The following CEP63 variants were observed in gnomAD, a reference collection of about 807,000 sequenced individuals.
The protein encoded by CEP63 is centrosomal protein of 63 kDa.
In CEP63, 84 loss-of-function variants were observed where a neutral mutation model predicts 89.1. The ratio of observed to expected loss-of-function variants is 0.94; its 90% CI spans 0.79 to 1.13. CEP63 has a LOEUF of 1.13. Ranked by LOEUF, CEP63 falls within the 50% of genes most tolerant of loss-of-function variation. The pLI, the probability that CEP63 is intolerant of heterozygous loss-of-function variation, is 0.00. For missense variants in CEP63, 838 were observed against 813.3 expected (o/e 1.03, Z -0.37); for synonymous variants, 267 against 272.5 (o/e 0.98, Z 0.20).
At chr3:134,671,161 A>G in the CEP63 span, among the ~76,000 whole-genome samples, 1 of 152,272 alleles carries the variant, frequency 6.6e-6, no homozygotes, top group African/African-American at 2.4e-5. Flanking sequence ...GCCATAAAAA[A>G]GAATGAAATC....
the CEP63 span, among the ~76,000 whole-genome samples, chr3:134,646,860 C>T: frequency 6.6e-6 from 1 of 152,040 alleles, no homozygotes; most frequent in Non-Finnish European, 1.5e-5. Context: ...GCTAATGAAC[C>T]CTAAAGGGAA....
At chr3:134,609,572 C>G in the CEP63 span, among the ~76,000 whole-genome samples, 1 of 152,130 alleles carries the variant, frequency 6.6e-6, no homozygotes, top group Non-Finnish European at 1.5e-5. Context: ...ACATCATGAT[C>G]CATGAAGAAT....
chr3:134,674,770 T>C, the CEP63 span, among the ~76,000 whole-genome samples: 1 of 152,166 alleles, frequency 6.6e-6, no homozygotes, highest in South Asian at 2.1e-4. Flanking sequence ...TTTCTTTACC[T>C]TAGCAGTGAA....
chr3:134,686,702 G>A, the CEP63 span, among the ~76,000 whole-genome samples: 35 of 152,246 alleles, frequency 2.3e-4, no homozygotes, highest in Non-Finnish European at 3.4e-4. Flanking sequence ...CAAACACAGT[G>A]AATGCTAATG....
At chr3:134,618,910 T>C in the CEP63 span, among the ~76,000 whole-genome samples, 1 of 152,304 alleles carries the variant, frequency 6.6e-6, no homozygotes, top group Non-Finnish European at 1.5e-5. Flanking sequence ...AACCAAATTA[T>C]CTCTGTGCAT....
Position 134,563,316 on chromosome 3 carries a change from T to TA in CEP63, c.*1783dup, listed in dbSNP as rs1167719318. 6.7e-6 allele frequency: 1 copy of TA among 149,076 alleles called. No homozygotes were observed. The highest frequency in any genetic ancestry group is 2.6e-5 in the African/African-American group (1 of 38,392). The allele number at this position is 149,076 out of a possible 1,614,324, so 9.2% of individuals were successfully genotyped here. A position where few individuals can be genotyped will look rare whatever the true frequency, so the allele number is the denominator to read the frequency against. ...CACCCTGATTCTGGCAGTAGCCTCC[T>TA]AACTGATAGTACTCACACCAGTAAT... On this transcript the variant is annotated 3_prime_UTR_variant, in exon 15 of 15. Coordinates refer to ENST00000675561, the MANE Select transcript of CEP63 (RefSeq NM_001353108.3).
chr3:134,723,792 C>T, the CEP63 span, among the ~76,000 whole-genome samples: 1,560 of 152,300 alleles, frequency 0.01, 24 homozygotes, highest in African/African-American at 0.035. Flanking sequence ...CACAGTGGTC[C>T]TCTGCCATTT....
At chr3:134,710,723 T>C in the CEP63 span, among the ~76,000 whole-genome samples, 65 of 117,154 alleles carry the variant, frequency 5.5e-4, no homozygotes, top group Non-Finnish European at 9.5e-4. Flanking sequence ...TTTCTTTTTC[T>C]TTCTTTTTTT....
chr3:134,738,935 A>G, the CEP63 span, among the ~76,000 whole-genome samples: 1 of 150,842 alleles, frequency 6.6e-6, no homozygotes. Flanking sequence ...AAACCATGTG[A>G]ACCATTTTAT....
chr3:134,579,318 C>T (rs1020090794), downstream of CEP63, among the ~76,000 whole-genome samples: 1 of 86,902 alleles, frequency 1.2e-5, no homozygotes, highest in Non-Finnish European at 2.7e-5. Context: ...AATGTGCTTT[C>T]CCAGGAATTG....
At chr3:134,757,964 GGGA>G in the CEP63 span, among the ~76,000 whole-genome samples, 1 of 152,126 alleles carries the variant, frequency 6.6e-6, no homozygotes, top group South Asian at 2.1e-4. Context: ...TGATCTAGTG[GGGA>G]ATACAGTGAA....
chr3:134,739,703 G>GTTTT, the CEP63 span, among the ~76,000 whole-genome samples: 2 of 143,692 alleles, frequency 1.4e-5, no homozygotes, highest in Non-Finnish European at 3.0e-5. Context: ...ATCAATGCTT[G>GTTTT]TTTTTTTTTT....
chr3:134,719,104 T>C, the CEP63 span, among the ~76,000 whole-genome samples: 1 of 152,196 alleles, frequency 6.6e-6, no homozygotes, highest in East Asian at 1.9e-4. Flanking sequence ...AGGGCCTTGC[T>C]CTTCAAGGTG....
the CEP63 span, chr3:134,627,884 C>CCACCAGAAGGTGAG: frequency 1.6e-6 from 2 of 1,283,110 alleles, no homozygotes; most frequent in Non-Finnish European, 2.3e-6. Context: ...GCACTGATGA[C>CCACCAGAAGGTGAG]TCACCTTCTG....
At chr3:134,612,497 A>G in the CEP63 span, among the ~76,000 whole-genome samples, 1 of 152,080 alleles carries the variant, frequency 6.6e-6, no homozygotes, top group Admixed American at 6.5e-5. Context: ...AGGATGAGGA[A>G]GTCTGGATGT....
intron 6 of CEP63, among the ~76,000 whole-genome samples, chr3:134,542,967 C>A (rs182336909): frequency 6.6e-6 from 1 of 151,158 alleles, no homozygotes; most frequent in East Asian, 1.9e-4. Context: ...TAAAAATATG[C>A]CAGCCTTAAA....
At chr3:134,507,708 A>G (rs1308574174) in intron 3 of CEP63, among the ~76,000 whole-genome samples, 1 of 152,160 alleles carries the variant, frequency 6.6e-6, no homozygotes, top group Non-Finnish European at 1.5e-5. Flanking sequence ...AGTTAAGAGA[A>G]TCTTTAAAAA....
chr3:134,648,939 A>G, the CEP63 span, among the ~76,000 whole-genome samples: 8 of 152,072 alleles, frequency 5.3e-5, no homozygotes, highest in African/African-American at 1.4e-4. Flanking sequence ...AGTTTGTTTT[A>G]TATCTTGCAC....
chr3:134,539,739 T>C (rs886668672), intron 6 of CEP63, among the ~76,000 whole-genome samples: 4 of 152,208 alleles, frequency 2.6e-5, no homozygotes, highest in Non-Finnish European at 5.9e-5. Context: ...TTTTAACATC[T>C]AAAAGTATAA....
Sources: gnomAD v4.1 joint callset for allele counts (sites outside exome capture counted in the v4.1 genomes callset) on GRCh38, gnomAD v4.1.1 for gene constraint, MANE v1.5 for transcripts, NCBI Gene and HGNC (gene_info 2026-07-23, HGNC 2026-07-21) for gene names.